The following IGSF11 variants were observed in gnomAD, a reference collection of about 807,000 sequenced individuals.
The protein encoded by IGSF11 is CXADR like 1.
IGSF11 carries 22 observed loss-of-function variants against 41.0 expected under a neutral mutation model. The observed-to-expected ratio is 0.54, with a 90% CI of 0.38 to 0.77. The LOEUF (loss-of-function observed/expected upper bound fraction) is 0.77. Among genes scored for constraint, IGSF11 ranks in the 30% least tolerant of loss-of-function variants. IGSF11 has a pLI of 0.00. For missense variants in IGSF11, 444 were observed against 530.8 expected (o/e 0.84, Z 1.61); for synonymous variants, 219 against 201.3 (o/e 1.09, Z -0.74).
chr3:119,121,853 T>C (rs957167321), intron 1 of IGSF11, among the ~76,000 whole-genome samples: 3 of 151,838 alleles, frequency 2.0e-5, no homozygotes, highest in Admixed American at 1.3e-4. Flanking sequence ...CTCAACAAGA[T>C]TAATAGCTGA....
At chr3:118,962,082 G>C (rs1370839553) in intron 1 of IGSF11, among the ~76,000 whole-genome samples, 1 of 152,116 alleles carries the variant, frequency 6.6e-6, no homozygotes, top group Non-Finnish European at 1.5e-5. Context: ...TGTAGTTTCT[G>C]TCTCTGACCC....
rs1938829607 is a variant in IGSF11 at position 118,901,322 on chromosome 3, GCTGACA to G, written c.*1192_*1197del. On this transcript the variant is annotated 3_prime_UTR_variant, in exon 7 of 7. Coordinates refer to ENST00000393775, the MANE Select transcript of IGSF11 (RefSeq NM_001015887.3). ...CATCTGGGCAACACTGCAACCCTGA[GCTGACA>G]CAAATGTAGGGTAGACACTTCCAGG... is the stretch of plus-strand genomic sequence containing the variant. 1.3e-5 allele frequency: 2 copies of G among 152,174 alleles called. No homozygotes were observed. Among genetic ancestry groups the G allele is most frequent in the South Asian group, 4.1e-4 (2 of 4,838 alleles). 9.4% of individuals were successfully genotyped at this position (152,174 alleles called of 1,614,324 possible).
intron 1 of IGSF11, among the ~76,000 whole-genome samples, chr3:119,121,081 G>T (rs182691199): frequency 6.6e-6 from 1 of 152,002 alleles, no homozygotes; most frequent in Admixed American, 6.5e-5. Context: ...AAACCTTAGG[G>T]GATAGAAGAA....
intron 1 of IGSF11, among the ~76,000 whole-genome samples, chr3:119,129,848 G>C (rs1252663219): frequency 6.6e-6 from 1 of 152,022 alleles, no homozygotes; most frequent in Non-Finnish European, 1.5e-5. Context: ...AGCCAGGTGT[G>C]GTGGCAAATG....
chr3:118,960,534 T>C (rs1945272277), intron 1 of IGSF11, among the ~76,000 whole-genome samples: 1 of 152,132 alleles, frequency 6.6e-6, no homozygotes, highest in African/African-American at 2.4e-5. Context: ...TAATAAAAAA[T>C]TACTATTTTG....
chr3:118,956,087 T>A lies in IGSF11; in HGVS notation c.53-25812A>T, dbSNP rs1355748740. On this transcript the variant is annotated intron_variant, in intron 1 of 6. Coordinates refer to ENST00000393775, the MANE Select transcript of IGSF11 (RefSeq NM_001015887.3). ...AGACAACTTCCTTCCTGAAACCTCA[T>A]GAACCAACCTCTGCTAGCTTCAAAC... Among the ~76,000 whole-genome samples, 3 of 152,318 alleles carry A rather than the reference T, an allele frequency of 2.0e-5. No individual in the cohort carries two copies. The East Asian group carries it at 5.8e-4, about 29-fold the overall frequency.
intron 1 of IGSF11, among the ~76,000 whole-genome samples, chr3:119,061,336 C>G (rs1371670133): frequency 6.6e-6 from 1 of 152,236 alleles, no homozygotes; most frequent in African/African-American, 2.4e-5. Context: ...CAGTGTCTTG[C>G]TTTGCCTTGG....
chr3:118,990,595 G>A (rs1935699480), intron 1 of IGSF11, among the ~76,000 whole-genome samples: 1 of 152,094 alleles, frequency 6.6e-6, no homozygotes, highest in African/African-American at 2.4e-5. Context: ...ATATATAAAT[G>A]GAGAAGAAAA....
chr3:118,985,642 A>T (rs1376536042), intron 1 of IGSF11, among the ~76,000 whole-genome samples: 1 of 152,166 alleles, frequency 6.6e-6, no homozygotes, highest in African/African-American at 2.4e-5. Context: ...TACCCAACAA[A>T]AGAACCTAAG....
upstream of IGSF11, chr3:119,105,271 T>C: frequency 1.1e-6 from 1 of 908,736 alleles, no homozygotes; most frequent in Non-Finnish European, 1.7e-6. Flanking sequence ...TATTTCATTT[T>C]TTAAAATTTT....
chr3:119,083,244 C>T (rs992841493), intron 1 of IGSF11, among the ~76,000 whole-genome samples: 6 of 151,110 alleles, frequency 4.0e-5, no homozygotes, highest in Non-Finnish European at 5.9e-5. Context: ...CTCAGCCTCA[C>T]GAGGAGCTGG....
intron 1 of IGSF11, among the ~76,000 whole-genome samples, chr3:119,100,642 C>A (rs2076924870): frequency 6.6e-6 from 1 of 152,184 alleles, no homozygotes; most frequent in Admixed American, 6.5e-5. Flanking sequence ...TTTAAATTTA[C>A]AAGAAAAATC....
upstream of IGSF11, among the ~76,000 whole-genome samples, chr3:119,106,349 C>A (rs968696274): frequency 1.3e-5 from 2 of 152,048 alleles, no homozygotes; most frequent in African/African-American, 4.8e-5. Context: ...TCACCATTTC[C>A]CCCCGAACTT....
At chr3:119,070,908 C>A (rs2076389669) in intron 1 of IGSF11, among the ~76,000 whole-genome samples, 1 of 152,166 alleles carries the variant, frequency 6.6e-6, no homozygotes, top group African/African-American at 2.4e-5. Context: ...TGATCATGTG[C>A]AATACAGAAT....
At chr3:119,081,156 T>A (rs1477222336) in intron 1 of IGSF11, among the ~76,000 whole-genome samples, 1 of 152,148 alleles carries the variant, frequency 6.6e-6, no homozygotes, top group East Asian at 1.9e-4. Flanking sequence ...CATATTTTAT[T>A]CTTTACTATC....
At chr3:119,143,030 CA>C (rs1459157535) in intron 1 of IGSF11, among the ~76,000 whole-genome samples, 1 of 152,134 alleles carries the variant, frequency 6.6e-6, no homozygotes, top group African/African-American at 2.4e-5. Flanking sequence ...GAAATTAAGA[CA>C]TTCCCAGATA....
At chr3:119,139,188 A>C (rs1276109794) in intron 1 of IGSF11, among the ~76,000 whole-genome samples, 2 of 152,176 alleles carry the variant, frequency 1.3e-5, no homozygotes. Flanking sequence ...ATGAAAAAAT[A>C]GTTTATATAT....
At chr3:119,072,461 A>G (rs1249056106) in intron 1 of IGSF11, among the ~76,000 whole-genome samples, 1 of 152,198 alleles carries the variant, frequency 6.6e-6, no homozygotes, top group Non-Finnish European at 1.5e-5. Context: ...TCAAGAATGA[A>G]GCCGCGGACC....
chr3:119,000,539 T>C (rs990393685), intron 1 of IGSF11, among the ~76,000 whole-genome samples: 2 of 151,824 alleles, frequency 1.3e-5, no homozygotes, highest in Middle Eastern at 3.2e-3. Context: ...TTTTTTTTTT[T>C]CGTATGGCAT....
Sources: allele counts gnomAD v4.1 joint callset (sites outside exome capture counted in the v4.1 genomes callset), GRCh38; gene constraint gnomAD v4.1.1; transcripts MANE v1.5; gene names NCBI Gene and HGNC (gene_info 2026-07-23, HGNC 2026-07-21).